SLC2A9: variants seen among roughly 807,000 people sequenced by gnomAD.
SLC2A9 encodes solute carrier family 2 member 9.
SLC2A9 carries 39 observed loss-of-function variants against 50.6 expected under a neutral mutation model. That is an observed-to-expected ratio of 0.77 (90% CI 0.60 to 1.01). The LOEUF is 1.01. SLC2A9 is among the 50% of genes least tolerant of loss of function. The pLI is 0.00. For missense variants in SLC2A9, 686 were observed against 677.6 expected (o/e 1.01, Z -0.14); for synonymous variants, 324 against 276.9 (o/e 1.17, Z -1.69).
intron 8 of SLC2A9, among the ~76,000 whole-genome samples, chr4:9,894,200 A>G (rs1032105098): frequency 1.3e-5 from 2 of 152,228 alleles, no homozygotes; most frequent in African/African-American, 4.8e-5. Context: ...TCCACCAACA[A>G]TTAGTTAAAT....
At chr4:9,881,937 G>A (rs559165846) in intron 10 of SLC2A9, among the ~76,000 whole-genome samples, 7 of 152,264 alleles carry the variant, frequency 4.6e-5, no homozygotes, top group South Asian at 2.1e-4. Context: ...GTTGTGTTCC[G>A]CCTCAGTTAA....
intron 10 of SLC2A9, among the ~76,000 whole-genome samples, chr4:9,870,028 C>T (rs1434436610): frequency 6.6e-6 from 1 of 152,208 alleles, no homozygotes; most frequent in Admixed American, 6.5e-5. Flanking sequence ...AGGGGAAGGC[C>T]TGTGAAGGTG....
In SLC2A9 at chr4:9,802,423, A is replaced by G. The variant is rs577254282; in HGVS notation, n.421-3182T>C. Among the ~76,000 whole-genome samples, 21 of 152,226 alleles carry G rather than the reference A, an allele frequency of 1.4e-4. No individual in the cohort carries two copies. The South Asian group carries it at 3.1e-3, about 23-fold the overall frequency. ...AGGACATTCAGGGACAGCCAGCGCC[A>G]TACTTGGGAAGGAAGGGCTCTGTGG... On this transcript the variant is annotated intron_variant and non_coding_transcript_variant, in intron 3 of 3. Coordinates refer to the SLC2A9 transcript ENST00000503280.
downstream of SLC2A9, chr4:9,771,054 C>T (rs1716758996): frequency 6.5e-6 from 1 of 154,292 alleles, no homozygotes; most frequent in South Asian, 2.1e-4. Context: ...TCAGCCACTT[C>T]TCCAAGGAGC....
chr4:9,899,934 A>G (rs1399332638), intron 8 of SLC2A9, among the ~76,000 whole-genome samples: 1 of 152,220 alleles, frequency 6.6e-6, no homozygotes, highest in Non-Finnish European at 1.5e-5. Context: ...TTGAGGCCGT[A>G]GCTTCTGCAG....
At chr4:9,880,643 T>C (rs773791160) in intron 10 of SLC2A9, 2 of 844,476 alleles carry the variant, frequency 2.4e-6, no homozygotes, top group Non-Finnish European at 1.4e-6. Flanking sequence ...TTTGTGTGCA[T>C]GGGTGGGGAA....
At chr4:9,904,489 T>C (rs910762216) in intron 8 of SLC2A9, among the ~76,000 whole-genome samples, 5 of 152,220 alleles carry the variant, frequency 3.3e-5, no homozygotes, top group South Asian at 4.1e-4. Flanking sequence ...TGGGCTCACC[T>C]GGGTAATCCA....
At chr4:9,781,053 A>G (rs1348319143) in intron 3 of SLC2A9, among the ~76,000 whole-genome samples, 1 of 152,040 alleles carries the variant, frequency 6.6e-6, no homozygotes, top group Admixed American at 6.5e-5. Flanking sequence ...AGGTCAGCTG[A>G]AGCCCCAGCC....
intron 6 of SLC2A9, among the ~76,000 whole-genome samples, chr4:9,935,006 C>A (rs200393876): frequency 6.6e-6 from 1 of 152,244 alleles, no homozygotes; most frequent in Non-Finnish European, 1.5e-5. Flanking sequence ...TTTATGGCTA[C>A]ATAGTATTCC....
intron 6 of SLC2A9, among the ~76,000 whole-genome samples, chr4:9,928,566 T>C (rs1745324044): frequency 6.6e-6 from 1 of 152,144 alleles, no homozygotes; most frequent in Admixed American, 6.5e-5. Context: ...ACCCCATCTC[T>C]ACTAAAAATA....
At chr4:9,918,772 T>C (rs1443502128) in intron 7 of SLC2A9, among the ~76,000 whole-genome samples, 1 of 152,172 alleles carries the variant, frequency 6.6e-6, no homozygotes, top group East Asian at 1.9e-4. Context: ...AAGCCAGGCC[T>C]CTGACTCTTG....
chr4:9,889,238 G>T (rs1400088537), intron 9 of SLC2A9, among the ~76,000 whole-genome samples: 3 of 152,058 alleles, frequency 2.0e-5, no homozygotes, highest in Admixed American at 2.0e-4. Context: ...AGCTAGCCAA[G>T]CACAGAAGAG....
At chr4:9,893,330 T>A (rs56036138) in intron 8 of SLC2A9, among the ~76,000 whole-genome samples, 11,088 of 151,854 alleles carry the variant, frequency 0.073, 971 homozygotes, top group East Asian at 0.32. Flanking sequence ...CTGACAGGTG[T>A]GGCGTAAGTG....
At chr4:9,883,237 C>T (rs2109672437) in intron 10 of SLC2A9, among the ~76,000 whole-genome samples, 1 of 152,062 alleles carries the variant, frequency 6.6e-6, no homozygotes. Flanking sequence ...TAGAACAGGG[C>T]CTGGAATAGA....
At chr4:9,781,961 G>A (rs1718456714) in intron 3 of SLC2A9, 13 of 1,316,836 alleles carry the variant, frequency 9.9e-6, no homozygotes, top group Non-Finnish European at 4.0e-6. Flanking sequence ...GGTGCCCGAT[G>A]GGGCTGCCTG....
At chr4:10,029,790 T>C (rs1378479332) in intron 1 of SLC2A9, among the ~76,000 whole-genome samples, 1 of 151,490 alleles carries the variant, frequency 6.6e-6, no homozygotes, top group African/African-American at 2.4e-5. Context: ...CTAATTTTTG[T>C]TTTTGTTTTT....
intron 10 of SLC2A9, among the ~76,000 whole-genome samples, chr4:9,878,344 C>A (rs1025991607): frequency 1.3e-5 from 2 of 152,014 alleles, no homozygotes; most frequent in Non-Finnish European, 2.9e-5. Flanking sequence ...AGGGTTGGAA[C>A]CTTCAGCTCC....
intron 2 of SLC2A9, among the ~76,000 whole-genome samples, chr4:10,010,259 G>A (rs1437117616): frequency 1.3e-5 from 2 of 152,210 alleles, no homozygotes; most frequent in African/African-American, 4.8e-5. Flanking sequence ...ACACTCTGTG[G>A]GAGGAGAGAG....
chr4:9,827,827 A>G (rs1427574953), intron 11 of SLC2A9, among the ~76,000 whole-genome samples: 1 of 152,202 alleles, frequency 6.6e-6, no homozygotes, highest in Non-Finnish European at 1.5e-5. Context: ...TGGGCTCTGA[A>G]GCCAGTCGAG....
Sources: gnomAD v4.1 joint callset for allele counts (sites outside exome capture counted in the v4.1 genomes callset) on GRCh38, gnomAD v4.1.1 for gene constraint, MANE v1.5 for transcripts, NCBI Gene and HGNC (gene_info 2026-07-23, HGNC 2026-07-21) for gene names.